SNTG2: variants seen among roughly 807,000 people sequenced by gnomAD.
SNTG2 encodes gamma-2-syntrophin.
A neutral mutation model predicts 70.9 loss-of-function variants in SNTG2; 74 were observed. The ratio of observed to expected loss-of-function variants is 1.04; its 90% CI spans 0.86 to 1.27. The LOEUF is 1.27. SNTG2 is among the 50% of genes most tolerant of loss of function. The probability of loss-of-function intolerance (pLI) is 0.00; values close to 1 mark genes in which losing one functional copy is unlikely to be tolerated. For missense variants in SNTG2, 717 were observed against 690.7 expected (o/e 1.04, Z -0.43); for synonymous variants, 278 against 273.8 (o/e 1.02, Z -0.15).
At chr2:1,151,402 G>A (rs1474971976) in intron 6 of SNTG2, among the ~76,000 whole-genome samples, 1 of 135,432 alleles carries the variant, frequency 7.4e-6, no homozygotes, top group Non-Finnish European at 1.5e-5. Flanking sequence ...TGCTTGTTTG[G>A]CTCAAACATT....
chr2:1,155,208 C>CT (rs1243607572), intron 6 of SNTG2, among the ~76,000 whole-genome samples: 8 of 147,992 alleles, frequency 5.4e-5, no homozygotes, highest in African/African-American at 1.6e-4. Context: ...CACACACCCA[C>CT]ACCACACACA....
At chr2:1,058,073 T>C (rs1334472237) in intron 1 of SNTG2, among the ~76,000 whole-genome samples, 4 of 152,224 alleles carry the variant, frequency 2.6e-5, no homozygotes, top group Admixed American at 2.0e-4. Flanking sequence ...TTTGAATTAA[T>C]ATAAATAACT....
At chr2:1,171,651 C>A (rs992910665) in intron 7 of SNTG2, among the ~76,000 whole-genome samples, 2 of 152,154 alleles carry the variant, frequency 1.3e-5, no homozygotes, top group African/African-American at 4.8e-5. Flanking sequence ...AAGAAAAGTT[C>A]TTCATCTAGT....
At chr2:1,126,789 C>T (rs1206564127) in intron 4 of SNTG2, among the ~76,000 whole-genome samples, 2 of 152,058 alleles carry the variant, frequency 1.3e-5, no homozygotes, top group African/African-American at 2.4e-5. Context: ...GTCTATTCAG[C>T]TGATATGCAT....
intron 6 of SNTG2, among the ~76,000 whole-genome samples, chr2:1,151,643 T>C (rs62105994): frequency 0.05 from 7,631 of 152,208 alleles, 272 homozygotes; most frequent in South Asian, 0.18. Context: ...TTTTATGACT[T>C]ATATTATTCT....
chr2:1,258,191 T>G (rs1030709362), intron 12 of SNTG2, among the ~76,000 whole-genome samples: 3 of 152,150 alleles, frequency 2.0e-5, no homozygotes, highest in Non-Finnish European at 2.9e-5. Context: ...CAGGGTGATG[T>G]TTTATTTCAG....
intron 9 of SNTG2, among the ~76,000 whole-genome samples, chr2:1,230,763 C>A (rs1227401736): frequency 6.6e-6 from 1 of 152,220 alleles, no homozygotes; most frequent in Non-Finnish European, 1.5e-5. Flanking sequence ...CTCTTCAGCC[C>A]GGCCAGTGGC....
intron 8 of SNTG2, among the ~76,000 whole-genome samples, chr2:1,203,847 A>ATGCAAGCTTCG (rs1673461689): frequency 6.6e-6 from 1 of 152,096 alleles, no homozygotes; most frequent in African/African-American, 2.4e-5. Flanking sequence ...TATTTCAGGA[A>ATGCAAGCTTCG]TGCAAGCTTC....
At chr2:1,173,882 G>T (rs964101830) in intron 8 of SNTG2, among the ~76,000 whole-genome samples, 13 of 152,258 alleles carry the variant, frequency 8.5e-5, no homozygotes, top group African/African-American at 3.1e-4. Flanking sequence ...ATCCACAGAG[G>T]CATTAGTGCA....
At chr2:1,336,292 C>T (rs946852367) in intron 16 of SNTG2, among the ~76,000 whole-genome samples, 8 of 152,102 alleles carry the variant, frequency 5.3e-5, no homozygotes, top group East Asian at 1.9e-4. Context: ...CCAAGTTTTC[C>T]GCCCATTTTA....
chr2:1,338,662 T>C (rs1215679561), intron 16 of SNTG2, among the ~76,000 whole-genome samples: 1 of 152,212 alleles, frequency 6.6e-6, no homozygotes, highest in Admixed American at 6.5e-5. Flanking sequence ...TGCTTAGAGC[T>C]TAATGTCTTC....
At chr2:999,359 A>G (rs1458556771) in intron 1 of SNTG2, among the ~76,000 whole-genome samples, 1 of 152,032 alleles carries the variant, frequency 6.6e-6, no homozygotes, top group Admixed American at 6.6e-5. Flanking sequence ...ATTGATTTAA[A>G]ACAACAACAA....
intron 16 of SNTG2, among the ~76,000 whole-genome samples, chr2:1,361,255 A>G (rs978568139): frequency 1.3e-5 from 2 of 152,226 alleles, no homozygotes; most frequent in African/African-American, 4.8e-5. Flanking sequence ...ACCAACAATA[A>G]GAAAATTTAC....
chr2:1,027,290 A>G (rs1411130022), intron 1 of SNTG2, among the ~76,000 whole-genome samples: 1 of 151,656 alleles, frequency 6.6e-6, no homozygotes, highest in African/African-American at 2.4e-5. Context: ...ACCCACAGAC[A>G]CTACCCAGCA....
intron 1 of SNTG2, among the ~76,000 whole-genome samples, chr2:1,055,956 G>T (rs1240064663): frequency 1.3e-5 from 2 of 152,246 alleles, no homozygotes; most frequent in Admixed American, 1.3e-4. Context: ...GGTATTTCCT[G>T]GAGGGTCTGA....
At chr2:1,103,384 T>C in intron 4 of SNTG2, 1 of 292,500 alleles carries the variant, frequency 3.4e-6, no homozygotes, top group South Asian at 3.2e-5. Context: ...AATTTCTTTT[T>C]TTTTTTATTT....
At chr2:1,312,402 GTAAT>G (rs1380587149) in intron 15 of SNTG2, among the ~76,000 whole-genome samples, 8 of 152,150 alleles carry the variant, frequency 5.3e-5, no homozygotes, top group African/African-American at 1.9e-4. Flanking sequence ...CCTGTTCCAT[GTAAT>G]TAATCAGAAG....
At chr2:1,208,524 T>A (rs924158466) in intron 8 of SNTG2, among the ~76,000 whole-genome samples, 3 of 152,164 alleles carry the variant, frequency 2.0e-5, no homozygotes, top group Admixed American at 1.3e-4. Context: ...CTTGCGGGGC[T>A]GCTGCGTGGT....
intron 16 of SNTG2, among the ~76,000 whole-genome samples, chr2:1,317,471 G>A (rs1207237717): frequency 1.8e-5 from 2 of 114,196 alleles, no homozygotes; most frequent in Non-Finnish European, 3.8e-5. Context: ...AGAAGGTTGG[G>A]ATTCTGGAGC....
Sources: allele counts gnomAD v4.1 joint callset (sites outside exome capture counted in the v4.1 genomes callset), GRCh38; gene constraint gnomAD v4.1.1; transcripts MANE v1.5; gene names NCBI Gene and HGNC (gene_info 2026-07-23, HGNC 2026-07-21).